Variants in SCN1A observed in about 807,000 individuals in gnomAD.
SCN1A encodes sodium voltage-gated channel alpha subunit 1, also known as sodium channel protein type 1 subunit alpha.
A neutral mutation model predicts 193.7 loss-of-function variants in SCN1A; 13 were observed. The ratio of observed to expected loss-of-function variants is 0.07; its 90% CI spans 0.04 to 0.11. The LOEUF (loss-of-function observed/expected upper bound fraction) is 0.11, where lower values mean the gene tolerates loss of function less well. Ranked by LOEUF, SCN1A falls within the 10% of genes least tolerant of loss-of-function variation. The pLI is 1.00. For synonymous variants in SCN1A, 781 were observed against 843.6 expected, an observed-to-expected ratio of 0.93 and a Z score of 1.29; for missense variants, 1,432 against 2,451.1, an observed-to-expected ratio of 0.58 and a Z score of 8.78.
At chr2:166,068,059 C>T (rs1206682072) in intron 4 of SCN1A, among the ~76,000 whole-genome samples, 1 of 152,162 alleles carries the variant, frequency 6.6e-6, no homozygotes, top group Non-Finnish European at 1.5e-5. Context: ...GTGGCTATTT[C>T]TGCCATCTTG....
At chr2:166,027,883 G>T (rs543539944) in intron 19 of SCN1A, among the ~76,000 whole-genome samples, 8 of 152,044 alleles carry the variant, frequency 5.3e-5, no homozygotes, top group African/African-American at 1.4e-4. Context: ...CTCAACAAAG[G>T]AAAATATAAT....
intron 4 of SCN1A, chr2:166,060,307 C>T (rs62179390): frequency 0.28 from 43,195 of 151,908 alleles, 6,902 homozygotes; most frequent in Admixed American, 0.38. Context: ...GAACAATCCC[C>T]TATGCCAACA....
Position 165,991,956 on chromosome 2 carries a change from G to A in SCN1A, c.5319C>T (p.Ser1773=). 6.2e-7 allele frequency: 1 copy of A among 1,613,892 alleles called. No individual in the cohort carries two copies. The highest frequency in any genetic ancestry group is 1.3e-5 in the African/African-American group (1 of 74,986). ...TGTACATGTTCACCACAACCAGGAA[G>A]GATATGATGATGTAACTGACAAAAA... ...IFFFVSYIII[S]FLVVVNMYIA... is the part of the protein sequence containing the mutation. The change falls in exon 29 of 29, where the codon TCC becomes TCT. Residue 1773 remains serine (S), a synonymous_variant. Coordinates refer to ENST00000674923, the MANE Select transcript of SCN1A (RefSeq NM_001165963.4).
rs1015926021 is a variant in SCN1A at position 166,101,198 on chromosome 2, T to C, written c.-141-23397A>G. 2.3e-3 allele frequency among the ~76,000 whole-genome samples: 352 copies of C among 151,650 alleles called. 1 individual carries two copies. The highest frequency in any genetic ancestry group is 8.0e-3 in the African/African-American group (329 of 41,302). Reference sequence around the variant, plus strand: ...GCAGCCATAAAAAATGATGAGTTCATGTCCTTTGTAGGGACATGGATGCAA... The same window carrying C: ...GCAGCCATAAAAAATGATGAGTTCACGTCCTTTGTAGGGACATGGATGCAA... On this transcript the variant is annotated intron_variant, in intron 2 of 28. Coordinates refer to ENST00000674923, the MANE Select transcript of SCN1A (RefSeq NM_001165963.4).
At chr2:166,122,846 G>T (rs1190004959) in intron 2 of SCN1A, among the ~76,000 whole-genome samples, 1 of 152,068 alleles carries the variant, frequency 6.6e-6, no homozygotes, top group East Asian at 1.9e-4. Flanking sequence ...GAGACTAAAA[G>T]CACAAGTGAC....
Position 166,041,574 on chromosome 2 carries a change from G to A in SCN1A, c.2177-105C>T, listed in dbSNP as rs1697197896. On this transcript the variant is annotated intron_variant, in intron 15 of 28. Coordinates refer to ENST00000674923, the MANE Select transcript of SCN1A (RefSeq NM_001165963.4). ...TATTTTCAGTAATCAACACATTTTT[G>A]TTACAGAGACAACCTTTTTTGTACT... 13 of 820,868 alleles carry A rather than the reference G, an allele frequency of 1.6e-5. No homozygotes were observed. The South Asian group carries it at 1.7e-4, about 11-fold the overall frequency. The allele number at this position is 820,868 out of a possible 1,614,324, so 50.8% of individuals were successfully genotyped here. A position where few individuals can be genotyped will look rare whatever the true frequency, so the allele number is the denominator to read the frequency against.
At position 166,124,356 on chromosome 2, in the gene SCN1A, C is replaced by T. The variant is rs539924707; in HGVS notation, c.-142+2568G>A. ...TTGAGGTCAGGAGATCGAGACTAGCCGGGCCAACATAGTGAAACCCCATCT... is the reference window on the plus strand; with the variant it reads ...TTGAGGTCAGGAGATCGAGACTAGCTGGGCCAACATAGTGAAACCCCATCT... On this transcript the variant is annotated intron_variant, in intron 2 of 28. Transcript: ENST00000674923. Among the ~76,000 whole-genome samples the T allele has an allele frequency of 2.6e-5, 4 of 151,942 alleles. No individual in the cohort carries two copies. In the South Asian group the frequency reaches 6.3e-4, roughly 24 times the overall value.
chr2:166,102,225 G>A (rs1329796627), intron 2 of SCN1A, among the ~76,000 whole-genome samples: 2 of 152,116 alleles, frequency 1.3e-5, no homozygotes, highest in African/African-American at 4.8e-5. Flanking sequence ...GGCGGGGCGC[G>A]GTGACTCGCG....
At chr2:165,985,661 GGT>G (rs1688566633), downstream of SCN1A, 1 of 151,968 alleles carries the variant, frequency 6.6e-6, no homozygotes. Flanking sequence ...AGAATTTCTT[GGT>G]GATGCAATTT....
intron 2 of SCN1A, among the ~76,000 whole-genome samples, chr2:166,093,017 A>G (rs1479414394): frequency 6.6e-6 from 1 of 151,998 alleles, no homozygotes; most frequent in Non-Finnish European, 1.5e-5. Context: ...GACGCTGATC[A>G]CGGGGCACTC....
At chr2:166,034,757 G>A (rs1274145865) in intron 19 of SCN1A, among the ~76,000 whole-genome samples, 1 of 152,162 alleles carries the variant, frequency 6.6e-6, no homozygotes, top group Non-Finnish European at 1.5e-5. Context: ...GTTAAATGAG[G>A]TCATACAGGT....
intron 4 of SCN1A, among the ~76,000 whole-genome samples, chr2:166,064,303 T>C (rs1427651): frequency 0.25 from 38,493 of 152,000 alleles, 6,574 homozygotes; most frequent in African/African-American, 0.48. Context: ...CCAATTTAGC[T>C]GGTCAGATTT....
intron 4 of SCN1A, among the ~76,000 whole-genome samples, chr2:166,067,455 T>G (rs1574340926): frequency 6.7e-6 from 1 of 148,404 alleles, no homozygotes; most frequent in African/African-American, 2.5e-5. Flanking sequence ...TTATTTAGAT[T>G]CCATCACTGA....
chr2:166,085,466 T>C (rs140300047), intron 2 of SCN1A, among the ~76,000 whole-genome samples: 392 of 152,256 alleles, frequency 2.6e-3, no homozygotes, highest in African/African-American at 9.0e-3. Context: ...ATAAACTCAA[T>C]TTAAAAATAC....
At chr2:166,100,218 A>G (rs2106135711) in intron 2 of SCN1A, among the ~76,000 whole-genome samples, 1 of 133,678 alleles carries the variant, frequency 7.5e-6, no homozygotes, top group East Asian at 2.2e-4. Context: ...ACATATCTAC[A>G]ACCATCTGAT....
chr2:166,129,634 A>T (rs150105711), upstream of SCN1A, among the ~76,000 whole-genome samples: 1,260 of 152,322 alleles, frequency 8.3e-3, 6 homozygotes, highest in Non-Finnish European at 0.014. Flanking sequence ...ACGATTGCCA[A>T]GATGTTAGAG....
intron 1 of SCN1A, among the ~76,000 whole-genome samples, chr2:166,140,391 G>A (rs1574648702): frequency 6.6e-6 from 1 of 152,246 alleles, no homozygotes; most frequent in African/African-American, 2.4e-5. Flanking sequence ...GCTGACCGAA[G>A]ATAGTTTTTA....
intron 2 of SCN1A, among the ~76,000 whole-genome samples, chr2:166,100,699 G>T (rs1295426176): frequency 7.2e-5 from 10 of 139,470 alleles, no homozygotes; most frequent in African/African-American, 1.1e-4. Flanking sequence ...GTGGGCAAAG[G>T]ACATGAACAG....
chr2:166,037,555 G>A (rs1193258526), intron 18 of SCN1A, among the ~76,000 whole-genome samples: 1 of 152,174 alleles, frequency 6.6e-6, no homozygotes, highest in Non-Finnish European at 1.5e-5. Flanking sequence ...CTATATTGCT[G>A]TGTTGTTAAA....
Sources: gnomAD v4.1 joint callset for allele counts (sites outside exome capture counted in the v4.1 genomes callset) on GRCh38, gnomAD v4.1.1 for gene constraint, MANE v1.5 for transcripts, NCBI Gene and HGNC (gene_info 2026-07-23, HGNC 2026-07-21) for gene names.